Variants in USP9X observed in about 807,000 individuals in gnomAD.
The protein encoded by USP9X is ubiquitin carboxyl-terminal hydrolase 9X.
In USP9X, 7 loss-of-function variants were observed where a neutral mutation model predicts 190.3. The observed-to-expected ratio is 0.04, with a 90% confidence interval of 0.02 to 0.07. The LOEUF (loss-of-function observed/expected upper bound fraction) is 0.07, where lower values mean the gene tolerates loss of function less well. USP9X is among the 10% of genes least tolerant of loss of function. The pLI is 1.00. For missense variants in USP9X, 1,010 were observed against 1,916.9 expected (o/e 0.53, Z 8.83); for synonymous variants, 645 against 659.5 (o/e 0.98, Z 0.34).
chrX:41,151,373 G>A (rs2062523548), intron 13 of USP9X, among the ~76,000 whole-genome samples: 1 of 111,725 alleles, frequency 9.0e-6, no homozygotes, highest in African/African-American at 3.3e-5. Context: ...TGTCTTTAAA[G>A]ATGGATTAGA....
intron 14 of USP9X, 134 bp from the exon 15 acceptor site, chrX:41,162,656 C>A: frequency 2.4e-6 from 1 of 424,266 alleles, no homozygotes; most frequent in Non-Finnish European, 3.8e-6. Flanking sequence ...AAACCACCAA[C>A]TGGTAGAATT....
intron 28 of USP9X, 28 bp from the exon 29 acceptor site, chrX:41,197,336 C>CCT: frequency 2.1e-6 from 1 of 467,094 alleles, no homozygotes; most frequent in Non-Finnish European, 3.0e-6. Context: ...TTTCTTCCCC[C>CCT]CCCCACCCCA....
intron 17 of USP9X, 146 bp from the exon 18 acceptor site, chrX:41,167,861 T>A: frequency 2.2e-6 from 1 of 462,611 alleles, no homozygotes; most frequent in Non-Finnish European, 3.5e-6. Flanking sequence ...TACATTTTAT[T>A]ATTGTATGGA....
chrX:41,223,744 C>T (rs1043144773), intron 39 of USP9X, among the ~76,000 whole-genome samples: 26 of 111,684 alleles, frequency 2.3e-4, no homozygotes, highest in Non-Finnish European at 1.9e-4. Flanking sequence ...GCCCTCTTTA[C>T]GGTAGTTTTT....
intron 15 of USP9X, among the ~76,000 whole-genome samples, chrX:41,164,563 C>T (rs1434579985): frequency 9.0e-6 from 1 of 111,602 alleles, no homozygotes; most frequent in African/African-American, 3.3e-5. Flanking sequence ...TCTGTTAGTA[C>T]CTCTGTATGT....
chrX:41,123,812 G>A lies in USP9X; in HGVS notation c.96+88G>A, dbSNP rs2062211290. On this transcript the variant is annotated intron_variant, in intron 2 of 44. Transcript: ENST00000378308. ...AATCGCAGCACTTTGGGAGGTTGAG[G>A]CAGGCAGATCACTTGAGGTCAAGAG... The A allele has an allele frequency of 6.7e-6, 6 of 896,392 alleles. No individual in the cohort carries two copies. The Admixed American group carries it at 1.8e-4, about 27-fold the overall frequency. 73.9% of individuals were successfully genotyped at this position (896,392 alleles called of 1,213,427 possible). A position where few individuals can be genotyped will look rare whatever the true frequency, so the allele number is the denominator to read the frequency against.
chrX:41,094,320 G>T (rs1263673439), intron 1 of USP9X, among the ~76,000 whole-genome samples: 1 of 109,702 alleles, frequency 9.1e-6, no homozygotes, highest in Non-Finnish European at 1.9e-5. Flanking sequence ...GGGATTACAG[G>T]TGGGTGCCAC....
intron 21 of USP9X, among the ~76,000 whole-genome samples, chrX:41,181,907 C>G: frequency 9.0e-6 from 1 of 111,572 alleles, no homozygotes; most frequent in South Asian, 3.7e-4. Context: ...TCGTCATAAA[C>G]TCTGGATGAC....
Position 41,169,988 on chromosome X carries a change from C to T in USP9X, c.2637-7C>T. Reference sequence around the variant, plus strand: ...ATGATGATGTCTGTCTTTCTTTTTCCCCCCAGAGCATTCCGCGGTAAACAC... The same window carrying T: ...ATGATGATGTCTGTCTTTCTTTTTCTCCCCAGAGCATTCCGCGGTAAACAC... On this transcript the variant is annotated splice_polypyrimidine_tract_variant and splice_region_variant and intron_variant, in intron 18 of 44. Transcript: ENST00000378308. 1 of 1,207,077 alleles carries T rather than the reference C, an allele frequency of 8.3e-7. No individual in the cohort carries two copies. The highest frequency in any genetic ancestry group is 3.0e-5 in the East Asian group (1 of 33,805).
rs767790553 is a variant in USP9X at position 41,136,317 on chromosome X, C to A, written c.436-487C>A. On this transcript the variant is annotated intron_variant, in intron 5 of 44. Transcript: ENST00000378308. ...CTGGGACTACAGGCACATGCCAGCA[C>A]ACGTGGCTAATTTTTGTATTTTTAG... 7.2e-5 allele frequency among the ~76,000 whole-genome samples: 8 copies of A among 111,422 alleles called. No individual in the cohort carries two copies. In the East Asian group the frequency reaches 2.0e-3, roughly 28 times the overall value.
At chrX:41,130,907 G>A (rs992501985) in intron 3 of USP9X, among the ~76,000 whole-genome samples, 1 of 109,966 alleles carries the variant, frequency 9.1e-6, no homozygotes, top group African/African-American at 3.3e-5. Flanking sequence ...TGTATTTTTA[G>A]TAGAGACGTC....
In USP9X at chrX:41,175,772, T is replaced by TACACACACAC. The variant is rs769385399; in HGVS notation, c.3148+3818_3148+3827dup. ...ACATTTAAGTCTATTACTATATATA[T>TACACACACAC]ACACACACACACATGAATATATATA... is the stretch of plus-strand genomic sequence containing the variant. On this transcript the variant is annotated intron_variant, in intron 21 of 44. Coordinates refer to ENST00000378308, the MANE Select transcript of USP9X (RefSeq NM_001039591.3). 2.2e-3 allele frequency among the ~76,000 whole-genome samples: 246 copies of TACACACACAC among 110,134 alleles called. 1 individual carries two copies. The highest frequency in any genetic ancestry group is 7.2e-3 in the East Asian group (25 of 3,477).
chrX:41,201,285 A>G lies in USP9X; in HGVS notation c.4824+5A>G. ...GATGAGAAGCAGGACAATGAGGTAA[A>G]TTTGAGTTACCATTTCTGTTTTCTG... On this transcript the variant is annotated splice_donor_5th_base_variant and intron_variant, in intron 31 of 44. Coordinates refer to ENST00000378308, the MANE Select transcript of USP9X (RefSeq NM_001039591.3). 2.5e-6 allele frequency: 3 copies of G among 1,194,921 alleles called. No individual in the cohort carries two copies. Among genetic ancestry groups the G allele is most frequent in the Non-Finnish European group, 3.4e-6 (3 of 880,261 alleles).
At chrX:41,124,904 T>C (rs1382571453) in intron 2 of USP9X, among the ~76,000 whole-genome samples, 1 of 111,894 alleles carries the variant, frequency 8.9e-6, no homozygotes, top group African/African-American at 3.2e-5. Flanking sequence ...ATGCTAAACA[T>C]AGATTTTGGT....
chrX:41,207,152 G>C (rs762283223), intron 32 of USP9X, among the ~76,000 whole-genome samples: 1 of 87,297 alleles, frequency 1.1e-5, no homozygotes, highest in Admixed American at 1.6e-4. Flanking sequence ...GCAATGGCTC[G>C]ATCTCAGCTC....
chrX:41,178,353 G>A (rs775224395), intron 21 of USP9X, among the ~76,000 whole-genome samples: 31 of 109,486 alleles, frequency 2.8e-4, no homozygotes, highest in Non-Finnish European at 4.7e-4. Flanking sequence ...CACCCACCTC[G>A]GCCTACCAAA....
chrX:41,130,954 G>C lies in USP9X; in HGVS notation c.243-503G>C, dbSNP rs2062308069. ...TTGGCCAGGCTGGTCTCGAACGCCT[G>C]ATGTCAGGTGATCCTCCTGCCTCGG... On this transcript the variant is annotated intron_variant, in intron 3 of 44. Transcript: ENST00000378308. Among the ~76,000 whole-genome samples, 9 of 109,770 alleles carry C rather than the reference G, an allele frequency of 8.2e-5. No individual in the cohort carries two copies. The South Asian group carries it at 3.5e-3, about 43-fold the overall frequency.
chrX:41,095,009 C>T (rs530880655), intron 1 of USP9X, among the ~76,000 whole-genome samples: 2 of 107,436 alleles, frequency 1.9e-5, no homozygotes, highest in Non-Finnish European at 3.8e-5. Flanking sequence ...TACTGCACTC[C>T]GTCTAGCCTG....
rs375119776 is a variant in USP9X, at chrX:41,214,713, C to T, written c.5331+4C>T. 7.6e-6 allele frequency: 9 copies of T among 1,185,285 alleles called. No homozygotes were observed. The highest frequency in any genetic ancestry group is 9.0e-6 in the Non-Finnish European group (8 of 887,152). ...TTGTGAAAAATGCAATAAAAAGGTA[C>T]GGGCTGTCCAGTTTTGTTTAATTTT... On this transcript the variant is annotated splice_donor_region_variant and intron_variant, in intron 34 of 44. Transcript: ENST00000378308.
Sources: gnomAD v4.1 joint callset for allele counts (sites outside exome capture counted in the v4.1 genomes callset) on GRCh38, gnomAD v4.1.1 for gene constraint, MANE v1.5 for transcripts, NCBI Gene and HGNC (gene_info 2026-07-23, HGNC 2026-07-21) for gene names.